The following GHR variants were observed in gnomAD, a reference collection of about 807,000 sequenced individuals.
GHR encodes growth hormone receptor.
Under a neutral mutation model 67.1 loss-of-function variants are expected in GHR, and 35 were observed. That is an observed-to-expected ratio of 0.52 (90% CI 0.40 to 0.69). The LOEUF (loss-of-function observed/expected upper bound fraction) is 0.69, where lower values mean the gene tolerates loss of function less well. GHR is among the 30% of genes least tolerant of loss of function. The pLI is 0.00. For missense variants in GHR, 792 were observed against 764.6 expected, an observed-to-expected ratio of 1.04 and a Z score of -0.42; for synonymous variants, 272 against 269.1, an observed-to-expected ratio of 1.01 and a Z score of -0.10.
chr5:42,656,491 C>A (rs1389306723), intron 3 of GHR, among the ~76,000 whole-genome samples: 1 of 152,116 alleles, frequency 6.6e-6, no homozygotes, highest in Non-Finnish European at 1.5e-5. Flanking sequence ...GCAACATCAC[C>A]TCTAAAGCCT....
chr5:42,657,946 CT>C (rs1580139254), intron 3 of GHR, among the ~76,000 whole-genome samples: 2 of 152,126 alleles, frequency 1.3e-5, no homozygotes, highest in African/African-American at 4.8e-5. Flanking sequence ...AGGTATAAGT[CT>C]TATTTTCCCA....
At position 42,670,433 on chromosome 5, in the gene GHR, G is replaced by A. The variant is rs140927026; in HGVS notation, c.137-18457G>A. 3.3e-4 allele frequency among the ~76,000 whole-genome samples: 50 copies of A among 152,110 alleles called. 5 individuals carry two copies. The highest frequency in any genetic ancestry group is 1.2e-3 in the African/African-American group (48 of 41,528). ...TATAAAACTAATGCAGAAAATATAG[G>A]GGGAAATCTACATGATATTAATCTA... On this transcript the variant is annotated intron_variant, in intron 3 of 9. Transcript: ENST00000230882.
intron 1 of GHR, among the ~76,000 whole-genome samples, chr5:42,473,478 C>T (rs940247065): frequency 2.6e-5 from 4 of 151,984 alleles, no homozygotes; most frequent in South Asian, 4.2e-4. Flanking sequence ...CAGCCTAACT[C>T]GGTGAATTCA....
At chr5:42,476,049 C>T (rs1017688356) in intron 1 of GHR, among the ~76,000 whole-genome samples, 9 of 151,702 alleles carry the variant, frequency 5.9e-5, no homozygotes, top group African/African-American at 2.2e-4. Context: ...GAACTACAGG[C>T]GCCAACCACC....
At chr5:42,428,807 T>C (rs1217749541) in intron 1 of GHR, among the ~76,000 whole-genome samples, 2 of 152,222 alleles carry the variant, frequency 1.3e-5, no homozygotes, top group African/African-American at 2.4e-5. Flanking sequence ...TTATTGTCCA[T>C]ATCACTATAA....
chr5:42,616,457 G>A (rs1159940666), intron 2 of GHR, among the ~76,000 whole-genome samples: 1 of 152,140 alleles, frequency 6.6e-6, no homozygotes, highest in East Asian at 1.9e-4. Flanking sequence ...ACAATTTTCA[G>A]ACATAGAGAA....
Position 42,611,318 on chromosome 5 carries a change from GAGTCTTCCACAGTCTAGTCCCA to G in GHR, c.71-17718_71-17697del, listed in dbSNP as rs150655321. Among the ~76,000 whole-genome samples, 353 of 152,200 alleles carry G rather than the reference GAGTCTTCCACAGTCTAGTCCCA, an allele frequency of 2.3e-3. 1 individual carries two copies. The Middle Eastern group carries it at 0.027, about 12-fold the overall frequency. On this transcript the variant is annotated intron_variant, in intron 2 of 9. Coordinates refer to ENST00000230882, the MANE Select transcript of GHR (RefSeq NM_000163.5). ...CCAAATTTCCTTAGCCTGAAGTTTA[GAGTCTTCCACAGTCTAGTCCCA>G]ACCACTTTTTCCAACCTTAATTACC...
rs1579770183 is a variant in GHR, at chr5:42,474,336, A to AGAAAGAAAGAAAGAAG, written c.-12+50385_-12+50386insGAAAGAAAGAAGGAAA. 3.4e-5 allele frequency among the ~76,000 whole-genome samples: 5 copies of AGAAAGAAAGAAAGAAG among 147,682 alleles called. No individual in the cohort carries two copies. The South Asian group carries it at 9.2e-4, about 27-fold the overall frequency. ...AAGAAAGAAAGAAAGAAAGAAAGAA[A>AGAAAGAAAGAAAGAAG]GAAAAGAAATAAAGAAAGAAAGCAA... On this transcript the variant is annotated intron_variant, in intron 1 of 9. Transcript: ENST00000230882.
At chr5:42,495,518 G>C (rs1746285551) in intron 1 of GHR, among the ~76,000 whole-genome samples, 1 of 151,880 alleles carries the variant, frequency 6.6e-6, no homozygotes, top group Non-Finnish European at 1.5e-5. Flanking sequence ...TCCTGTATTA[G>C]TTCACCCCCA....
chr5:42,717,275 G>A (rs1311045849), intron 8 of GHR, among the ~76,000 whole-genome samples: 2 of 151,772 alleles, frequency 1.3e-5, no homozygotes, highest in Non-Finnish European at 2.9e-5. Flanking sequence ...CTCCAGTGTG[G>A]GCAATGAAGT....
At chr5:42,582,937 C>G (rs1751265797) in intron 2 of GHR, among the ~76,000 whole-genome samples, 1 of 152,244 alleles carries the variant, frequency 6.6e-6, no homozygotes, top group Non-Finnish European at 1.5e-5. Flanking sequence ...TGCTTACCCA[C>G]TCACGTATCC....
intron 2 of GHR, among the ~76,000 whole-genome samples, chr5:42,620,683 A>C (rs942972462): frequency 6.6e-6 from 1 of 152,280 alleles, no homozygotes; most frequent in Admixed American, 6.5e-5. Context: ...TGGTGTAAAT[A>C]TACCCACTGT....
chr5:42,632,005 C>T (rs1345302966), intron 3 of GHR, among the ~76,000 whole-genome samples: 2 of 152,058 alleles, frequency 1.3e-5, no homozygotes, highest in East Asian at 3.9e-4. Flanking sequence ...CAGCATCTCC[C>T]TCCTCTCTCC....
At chr5:42,461,312 A>G (rs989336879) in intron 1 of GHR, among the ~76,000 whole-genome samples, 3 of 152,194 alleles carry the variant, frequency 2.0e-5, no homozygotes, top group Non-Finnish European at 2.9e-5. Flanking sequence ...TATCCACGTA[A>G]TATTCATTAA....
chr5:42,677,077 A>AT (rs1756605535), intron 3 of GHR, among the ~76,000 whole-genome samples: 1 of 152,100 alleles, frequency 6.6e-6, no homozygotes, highest in Non-Finnish European at 1.5e-5. Context: ...AAAAAGTAAA[A>AT]TTAAAAAAAA....
At position 42,719,398 on chromosome 5, in the gene GHR, G is replaced by A; in HGVS notation, c.1891G>A (p.Asp631Asn). 6.2e-6 allele frequency: 10 copies of A among 1,613,628 alleles called. No homozygotes were observed. Among genetic ancestry groups the A allele is most frequent in the Non-Finnish European group, 7.6e-6 (9 of 1,179,946 alleles). Reference protein sequence around the residue: ...FLSSCGYVSTDQLNKIMP With the variant: ...FLSSCGYVSTNQLNKIMP ...CTCATCATGTGGCTATGTGAGCACA[G>A]ACCAACTGAACAAAATCATGCCTTA... Residue 631 changes from aspartate (D) to asparagine (N), a missense_variant, in exon 10 of 10, where the codon GAC (aspartate) becomes AAC (asparagine). By Grantham distance (23) the Asp-to-Asn change is conservative. Transcript: ENST00000230882.
At chr5:42,456,977 C>A (rs1425475515) in intron 1 of GHR, among the ~76,000 whole-genome samples, 1 of 152,136 alleles carries the variant, frequency 6.6e-6, no homozygotes, top group Non-Finnish European at 1.5e-5. Flanking sequence ...AAGCTTTCCC[C>A]TCTTTCATTA....
intron 1 of GHR, among the ~76,000 whole-genome samples, chr5:42,488,268 A>G (rs576626039): frequency 6.6e-6 from 1 of 152,334 alleles, no homozygotes; most frequent in South Asian, 2.1e-4. Flanking sequence ...ACAATTTGGT[A>G]AGGTAGGAAT....
At chr5:42,555,278 C>A (rs981333067) in intron 1 of GHR, among the ~76,000 whole-genome samples, 2 of 152,150 alleles carry the variant, frequency 1.3e-5, no homozygotes, top group African/African-American at 4.8e-5. Context: ...ATCCCTTGAG[C>A]AATGTAATAC....
Sources: gnomAD v4.1 joint callset for allele counts (sites outside exome capture counted in the v4.1 genomes callset) on GRCh38, gnomAD v4.1.1 for gene constraint, MANE v1.5 for transcripts, NCBI Gene and HGNC (gene_info 2026-07-23, HGNC 2026-07-21) for gene names.